RERE: variants seen among roughly 807,000 people sequenced by gnomAD.
The protein encoded by RERE is arginine-glutamic acid dipeptide repeats protein.
RERE carries 40 observed loss-of-function variants against 146.1 expected under a neutral mutation model. The observed-to-expected ratio is 0.27, with a 90% CI of 0.21 to 0.36. The LOEUF (loss-of-function observed/expected upper bound fraction) is 0.36. Among genes scored for constraint, RERE ranks in the 10% least tolerant of loss-of-function variants. RERE has a pLI of 1.00. For synonymous variants in RERE, 1,003 were observed against 866.0 expected, an observed-to-expected ratio of 1.16 and a Z score of -2.78; for missense variants, 1,933 against 2,138.7, an observed-to-expected ratio of 0.90 and a Z score of 1.90.
At position 8,705,108 on chromosome 1, in the gene RERE, TTTC is replaced by T. The variant is rs539186546; in HGVS notation, c.-144-48670_-144-48668del. On this transcript the variant is annotated intron_variant, in intron 1 of 22. Transcript: ENST00000400908. ...GACACATGGCACAGGCTGAAAAGAA[TTTC>T]TTTTTTCTTTTCTACAGACCATTTT... Among the ~76,000 whole-genome samples, 22 of 152,348 alleles carry T rather than the reference TTTC, an allele frequency of 1.4e-4. No homozygotes were observed. In the South Asian group the frequency reaches 2.3e-3, roughly 16 times the overall value.
intron 10 of RERE, among the ~76,000 whole-genome samples, chr1:8,479,888 T>C (rs1020837462): frequency 3.3e-5 from 5 of 152,170 alleles, no homozygotes; most frequent in Non-Finnish European, 7.3e-5. Flanking sequence ...AAAAAAGCAT[T>C]CTGAGGTGTT....
At chr1:8,705,730 C>A (rs1639544531) in intron 1 of RERE, among the ~76,000 whole-genome samples, 2 of 152,106 alleles carry the variant, frequency 1.3e-5, no homozygotes, top group African/African-American at 4.8e-5. Flanking sequence ...GAACTGAGGT[C>A]AACAACACTG....
rs34276909 is a variant in RERE at position 8,638,783 on chromosome 1, A to ATT, written c.326-14405_326-14404dup. Among the ~76,000 whole-genome samples, 483 of 100,300 alleles carry ATT rather than the reference A, an allele frequency of 4.8e-3. 3 individuals are homozygous for ATT. Among genetic ancestry groups the ATT allele is most frequent in the Middle Eastern group, 6.2e-3 (1 of 162 alleles). The allele number at this position is 100,300 out of a possible 152,430, so 65.8% of individuals were successfully genotyped here. On this transcript the variant is annotated intron_variant, in intron 2 of 22. Transcript: ENST00000400908. Reference sequence around the variant, plus strand: ...GAAGGAAACTCATAGACGAAAAAAAATTTTTTTTTTTTTTTTTTTTTTTTT... The same window carrying ATT: ...GAAGGAAACTCATAGACGAAAAAAAATTTTTTTTTTTTTTTTTTTTTTTTTTT...
intron 12 of RERE, among the ~76,000 whole-genome samples, chr1:8,407,071 G>T (rs1167965392): frequency 6.6e-6 from 1 of 152,254 alleles, no homozygotes; most frequent in South Asian, 2.1e-4. Context: ...AGAAAGTGCT[G>T]TCTGCAGTGT....
At chr1:8,556,694 A>C (rs1425312339) in intron 5 of RERE, 123 bp from the exon 6 acceptor site, 4 of 631,248 alleles carry the variant, frequency 6.3e-6, no homozygotes, top group Non-Finnish European at 8.5e-6. Flanking sequence ...TAGCATCGTT[A>C]AGTATGCAAA....
chr1:8,419,297 A>G (rs1189160091), intron 12 of RERE, among the ~76,000 whole-genome samples: 1 of 152,196 alleles, frequency 6.6e-6, no homozygotes, highest in Non-Finnish European at 1.5e-5. Context: ...CACAGCCACT[A>G]TTCCCACTTC....
chr1:8,767,176 A>C (rs1309530342), intron 1 of RERE, among the ~76,000 whole-genome samples: 1 of 152,214 alleles, frequency 6.6e-6, no homozygotes, highest in Non-Finnish European at 1.5e-5. Flanking sequence ...TTACTGGTTG[A>C]AAACCGAGAA....
At chr1:8,368,515 A>AATT (rs1641909352) in intron 12 of RERE, among the ~76,000 whole-genome samples, 1 of 151,486 alleles carries the variant, frequency 6.6e-6, no homozygotes, top group Admixed American at 6.6e-5. Flanking sequence ...GGATGTAAGA[A>AATT]GAAATGCAAA....
At chr1:8,502,134 G>A (rs1438131251) in intron 8 of RERE, among the ~76,000 whole-genome samples, 1 of 16,862 alleles carries the variant, frequency 5.9e-5, no homozygotes, top group East Asian at 2.3e-3. Context: ...CCCTCTGCCC[G>A]GCCAGCCGCC....
rs147908911 is a variant in RERE at position 8,645,478 on chromosome 1, C to T, written c.325+10495G>A. On this transcript the variant is annotated intron_variant, in intron 2 of 22. Coordinates refer to ENST00000400908, the MANE Select transcript of RERE (RefSeq NM_001042681.2). ...TGGACTCATTTTATATCTGCGTTAG[C>T]TTGAAAAAGACTGGGAAGCACTAAT... Among the ~76,000 whole-genome samples the T allele has an allele frequency of 8.3e-4, 127 of 152,240 alleles. 1 individual carries two copies. Among genetic ancestry groups the T allele is most frequent in the African/African-American group, 3.0e-3 (125 of 41,512 alleles).
intron 10 of RERE, among the ~76,000 whole-genome samples, chr1:8,494,747 AG>A (rs1645024485): frequency 6.6e-6 from 1 of 152,194 alleles, no homozygotes; most frequent in African/African-American, 2.4e-5. Context: ...TAGAACCTAG[AG>A]GTGGTTGTGA....
intron 1 of RERE, among the ~76,000 whole-genome samples, chr1:8,779,609 G>A (rs910712914): frequency 7.9e-5 from 12 of 151,932 alleles, no homozygotes; most frequent in African/African-American, 2.9e-4. Context: ...GTTGCAATGA[G>A]CCGAGATCAC....
intron 1 of RERE, among the ~76,000 whole-genome samples, chr1:8,808,773 C>T (rs1247404462): frequency 2.0e-5 from 3 of 152,128 alleles, no homozygotes; most frequent in African/African-American, 7.2e-5. Context: ...AGGCAAAAGA[C>T]AACACAGATC....
At chr1:8,600,265 C>T (rs1557426872) in intron 4 of RERE, among the ~76,000 whole-genome samples, 1 of 152,160 alleles carries the variant, frequency 6.6e-6, no homozygotes, top group East Asian at 1.9e-4. Context: ...ACCCAGTCTC[C>T]GTATGTCTTA....
At chr1:8,507,889 G>A (rs1031886080) in intron 8 of RERE, among the ~76,000 whole-genome samples, 5 of 151,280 alleles carry the variant, frequency 3.3e-5, no homozygotes, top group Admixed American at 3.3e-4. Context: ...ATAGGCGCCT[G>A]CCACCACGCC....
intron 4 of RERE, among the ~76,000 whole-genome samples, chr1:8,560,648 A>G (rs1263288545): frequency 6.6e-6 from 1 of 152,334 alleles, no homozygotes; most frequent in East Asian, 1.9e-4. Flanking sequence ...AAAGAATAGA[A>G]AAGACAGAAA....
intron 12 of RERE, among the ~76,000 whole-genome samples, chr1:8,396,253 C>A (rs1643052428): frequency 6.6e-6 from 1 of 152,190 alleles, no homozygotes; most frequent in Non-Finnish European, 1.5e-5. Context: ...ATCCCAGCTT[C>A]TAGAGCTGAA....
chr1:8,666,881 C>T (rs1034081576), intron 1 of RERE, among the ~76,000 whole-genome samples: 4 of 152,196 alleles, frequency 2.6e-5, no homozygotes. Flanking sequence ...CGATTCTCTA[C>T]CTCTGAGGTT....
intron 12 of RERE, among the ~76,000 whole-genome samples, chr1:8,403,767 T>C (rs542070426): frequency 6.6e-5 from 10 of 151,830 alleles, no homozygotes; most frequent in African/African-American, 2.2e-4. Context: ...TGTTTCCTTG[T>C]TAAAAATTGC....
Sources: gnomAD v4.1 joint callset for allele counts (sites outside exome capture counted in the v4.1 genomes callset) on GRCh38, gnomAD v4.1.1 for gene constraint, MANE v1.5 for transcripts, NCBI Gene and HGNC (gene_info 2026-07-23, HGNC 2026-07-21) for gene names.